Variants in DLG2 observed in about 807,000 individuals in gnomAD.
DLG2 encodes the protein disks large homolog 2.
DLG2 carries 45 observed loss-of-function variants against 132.5 expected under a neutral mutation model. The observed-to-expected ratio is 0.34, with a 90% CI of 0.27 to 0.44. DLG2 has a LOEUF of 0.44. Among genes scored for constraint, DLG2 ranks in the 20% least tolerant of loss-of-function variants. The probability of loss-of-function intolerance (pLI) is 1.00; values close to 1 mark genes in which losing one functional copy is unlikely to be tolerated. For synonymous variants in DLG2, 424 were observed against 419.6 expected (o/e 1.01, Z -0.13); for missense variants, 1,045 against 1,196.9 (o/e 0.87, Z 1.87).
At chr11:83,752,982 A>G (rs925511800) in intron 18 of DLG2, among the ~76,000 whole-genome samples, 5 of 152,220 alleles carry the variant, frequency 3.3e-5, no homozygotes, top group African/African-American at 1.2e-4. Context: ...AGTTTAAGGT[A>G]AGAGGAGAAA....
intron 11 of DLG2, among the ~76,000 whole-genome samples, chr11:84,030,127 G>A (rs925409270): frequency 1.3e-5 from 2 of 152,032 alleles, no homozygotes; most frequent in Non-Finnish European, 2.9e-5. Flanking sequence ...CAGAGATGGT[G>A]TATTTTTCAC....
chr11:85,121,851 T>A lies in DLG2; in HGVS notation c.283-10116A>T, dbSNP rs143956003. On this transcript the variant is annotated intron_variant, in intron 5 of 27. Transcript: ENST00000376104. Reference sequence around the variant, plus strand: ...CACATTATATATACACATGTACATATGTGTGTACATGTATGTATATATGCT... The same window carrying A: ...CACATTATATATACACATGTACATAAGTGTGTACATGTATGTATATATGCT... Among the ~76,000 whole-genome samples, 423 of 152,324 alleles carry A rather than the reference T, an allele frequency of 2.8e-3. 2 individuals are homozygous for A. Among genetic ancestry groups the A allele is most frequent in the Non-Finnish European group, 4.5e-3 (303 of 68,026 alleles).
Position 84,128,593 on chromosome 11 carries a change from T to A in DLG2, c.625-29546A>T, listed in dbSNP as rs548667128. Among the ~76,000 whole-genome samples, 16 of 152,260 alleles carry A rather than the reference T, an allele frequency of 1.1e-4. No homozygotes were observed. The East Asian group carries it at 2.7e-3, about 26-fold the overall frequency. Reference sequence around the variant, plus strand: ...ACTGTTCTAATTTGCTTTTTCTCTATCAGGTTTCTTTTAAATTTTTTCGGT... The same window carrying A: ...ACTGTTCTAATTTGCTTTTTCTCTAACAGGTTTCTTTTAAATTTTTTCGGT... On this transcript the variant is annotated intron_variant, in intron 9 of 27. Transcript: ENST00000376104.
At chr11:84,222,327 C>T (rs564022305) in intron 8 of DLG2, among the ~76,000 whole-genome samples, 4 of 152,222 alleles carry the variant, frequency 2.6e-5, no homozygotes, top group Non-Finnish European at 5.9e-5. Flanking sequence ...CCACCATGCC[C>T]GGCCAAGTTC....
At chr11:85,098,494 A>G (rs1451344545) in intron 6 of DLG2, among the ~76,000 whole-genome samples, 6 of 152,242 alleles carry the variant, frequency 3.9e-5, no homozygotes, top group Non-Finnish European at 1.5e-5. Context: ...CAAAGATTTT[A>G]GATATTAAGT....
intron 18 of DLG2, among the ~76,000 whole-genome samples, chr11:83,709,370 C>CAT (rs999143499): frequency 5.4e-5 from 8 of 147,726 alleles, no homozygotes; most frequent in East Asian, 2.0e-4. Flanking sequence ...CACACACACA[C>CAT]ATATATATAT....
chr11:83,479,116 T>A (rs2092878553), intron 22 of DLG2, among the ~76,000 whole-genome samples: 1 of 151,988 alleles, frequency 6.6e-6, no homozygotes, highest in South Asian at 2.1e-4. Context: ...AATAAGAAAA[T>A]TAGGTGGTTC....
intron 19 of DLG2, among the ~76,000 whole-genome samples, chr11:83,573,935 T>C (rs957812945): frequency 1.2e-4 from 18 of 152,198 alleles, no homozygotes; most frequent in Admixed American, 4.6e-4. Context: ...AGCTTTCTTC[T>C]GTATTGAGTT....
intron 18 of DLG2, among the ~76,000 whole-genome samples, chr11:83,737,113 T>C (rs2092001009): frequency 6.6e-6 from 1 of 152,166 alleles, no homozygotes; most frequent in African/African-American, 2.4e-5. Flanking sequence ...AAACAAATCA[T>C]ACCATGGAAG....
At chr11:84,893,789 C>T (rs1489497261) in intron 6 of DLG2, among the ~76,000 whole-genome samples, 2 of 151,950 alleles carry the variant, frequency 1.3e-5, no homozygotes, top group South Asian at 2.1e-4. Context: ...TAAGTAGATG[C>T]TATTATTATT....
intron 6 of DLG2, among the ~76,000 whole-genome samples, chr11:84,724,916 G>T (rs1208865435): frequency 6.6e-6 from 1 of 152,038 alleles, no homozygotes; most frequent in African/African-American, 2.4e-5. Flanking sequence ...TTCTCATGGT[G>T]GAAGGAAAAA....
intron 6 of DLG2, among the ~76,000 whole-genome samples, chr11:85,069,686 C>A (rs2065501050): frequency 6.6e-6 from 1 of 152,100 alleles, no homozygotes; most frequent in African/African-American, 2.4e-5. Flanking sequence ...GAAATAGGAA[C>A]ACTTTTACAC....
At chr11:84,147,935 C>G (rs1213707716) in intron 9 of DLG2, among the ~76,000 whole-genome samples, 2 of 151,882 alleles carry the variant, frequency 1.3e-5, no homozygotes, top group African/African-American at 4.8e-5. Flanking sequence ...TCTAGGAACT[C>G]TTTTAGGCAT....
chr11:85,005,777 G>C (rs1276394802), intron 6 of DLG2, among the ~76,000 whole-genome samples: 2 of 152,144 alleles, frequency 1.3e-5, no homozygotes, highest in African/African-American at 4.8e-5. Context: ...AATAGGAGTG[G>C]TGAGAGTGGG....
chr11:83,817,111 A>C (rs1052694830), intron 17 of DLG2, among the ~76,000 whole-genome samples: 19 of 152,182 alleles, frequency 1.2e-4, no homozygotes, highest in African/African-American at 4.3e-4. Context: ...TAAACAAGAC[A>C]AGCATTGTCC....
intron 18 of DLG2, among the ~76,000 whole-genome samples, chr11:83,713,160 G>C (rs1413822421): frequency 6.6e-6 from 1 of 152,006 alleles, no homozygotes; most frequent in Non-Finnish European, 1.5e-5. Context: ...AATCTTATCT[G>C]TTTTCTTACT....
At chr11:85,124,333 C>A (rs754109582) in intron 5 of DLG2, among the ~76,000 whole-genome samples, 3 of 152,200 alleles carry the variant, frequency 2.0e-5, no homozygotes, top group Non-Finnish European at 4.4e-5. Flanking sequence ...TTTTCTCTAC[C>A]ATACGGTGAT....
chr11:83,948,987 A>G (rs945640141), intron 14 of DLG2, among the ~76,000 whole-genome samples: 1 of 152,212 alleles, frequency 6.6e-6, no homozygotes, highest in African/African-American at 2.4e-5. Context: ...GAGATATTTT[A>G]TGGAAAATAC....
intron 6 of DLG2, among the ~76,000 whole-genome samples, chr11:84,624,801 TATCAAATA>T (rs1415790775): frequency 1.3e-5 from 2 of 148,758 alleles, no homozygotes; most frequent in African/African-American, 5.0e-5. Context: ...ATGATAAAAT[TATCAAATA>T]ATACAGTTGA....
Sources: allele counts gnomAD v4.1 joint callset (sites outside exome capture counted in the v4.1 genomes callset), GRCh38; gene constraint gnomAD v4.1.1; transcripts MANE v1.5; gene names NCBI Gene and HGNC (gene_info 2026-07-23, HGNC 2026-07-21).